FARP1: variants seen among roughly 807,000 people sequenced by gnomAD.
The protein encoded by FARP1 is FERM, ARH/RhoGEF and pleckstrin domain protein 1, also known as FERM, ARHGEF and pleckstrin domain-containing protein 1.
FARP1 carries 52 observed loss-of-function variants against 128.8 expected under a neutral mutation model. The ratio of observed to expected loss-of-function variants is 0.40; its 90% CI spans 0.32 to 0.51. The LOEUF is 0.51. Among genes scored for constraint, FARP1 ranks in the 20% least tolerant of loss-of-function variants. The pLI is 0.45. For synonymous variants in FARP1, 580 were observed against 551.8 expected (o/e 1.05, Z -0.72); for missense variants, 1,333 against 1,367.9 (o/e 0.97, Z 0.40).
chr13:98,446,813 G>A lies in FARP1; in HGVS notation c.3052G>A (p.Glu1018Lys), dbSNP rs369179780. 45 of 1,613,914 alleles carry A rather than the reference G, an allele frequency of 2.8e-5. No homozygotes were observed. The highest frequency in any genetic ancestry group is 2.3e-4 in the South Asian group (21 of 91,062). The change falls in exon 26 of 27, where the codon GAA becomes AAA. Residue 1018 changes from glutamate (E) to lysine (K), a missense_variant. Glu to Lys is a moderately conservative substitution (Grantham distance 56). This residue lies in a region of FARP1 where 1,009 missense variants were observed against 969.8 expected (regional missense o/e 1.04). Transcript: ENST00000319562. The stretch of plus-strand genomic sequence containing the variant: ...CAGGGCGGAAAGCGAGTACACGTTC[G>A]AAAGGTAGACACCCCCTTCCCACGC... Reference protein sequence around the residue: ...YFRAESEYTFERWMEVIRSAT... With the variant: ...YFRAESEYTFKRWMEVIRSAT...
intron 1 of FARP1, among the ~76,000 whole-genome samples, chr13:98,178,489 C>A (rs1171518464): frequency 1.3e-5 from 2 of 152,222 alleles, no homozygotes; most frequent in Non-Finnish European, 2.9e-5. Context: ...AGCCACTGCA[C>A]CCCGCCTTCA....
At chr13:98,379,421 A>C (rs1242115324) in intron 6 of FARP1, among the ~76,000 whole-genome samples, 1 of 150,734 alleles carries the variant, frequency 6.6e-6, no homozygotes, top group African/African-American at 2.4e-5. Flanking sequence ...GAGGAGGGAG[A>C]GGAGGCTTTG....
intron 2 of FARP1, chr13:98,245,400 T>C (rs939532560): frequency 1.0e-6 from 1 of 964,256 alleles, no homozygotes; most frequent in African/African-American, 1.8e-5. Context: ...TCAGCTCCCA[T>C]GTTCAGTGTT....
At chr13:98,212,597 T>G (rs1305214318) in intron 1 of FARP1, among the ~76,000 whole-genome samples, 1 of 147,156 alleles carries the variant, frequency 6.8e-6, no homozygotes, top group Non-Finnish European at 1.5e-5. Context: ...GAATGGCTTC[T>G]TGGGAAAGGG....
intron 2 of FARP1, among the ~76,000 whole-genome samples, chr13:98,218,948 A>G (rs1368323385): frequency 6.6e-6 from 1 of 152,268 alleles, no homozygotes; most frequent in African/African-American, 2.4e-5. Context: ...TTCTGGTGTC[A>G]GAATCGCCTG....
chr13:98,255,162 T>G (rs754933417), intron 2 of FARP1, among the ~76,000 whole-genome samples: 9 of 152,092 alleles, frequency 5.9e-5, no homozygotes, highest in Non-Finnish European at 1.2e-4. Context: ...ACAAAAAAAT[T>G]GTAGGCAGTG....
intron 1 of FARP1, among the ~76,000 whole-genome samples, chr13:98,158,071 A>G (rs1481933504): frequency 6.6e-6 from 1 of 152,220 alleles, no homozygotes; most frequent in African/African-American, 2.4e-5. Context: ...ACATATATGC[A>G]TTGAGAAAAG....
At chr13:98,222,529 C>G (rs1881474722) in intron 2 of FARP1, among the ~76,000 whole-genome samples, 1 of 152,092 alleles carries the variant, frequency 6.6e-6, no homozygotes. Context: ...GTGTGTCACT[C>G]ACTTTGTTAA....
chr13:98,367,767 TA>T (rs1262573301), intron 4 of FARP1, among the ~76,000 whole-genome samples: 4 of 152,362 alleles, frequency 2.6e-5, no homozygotes, highest in East Asian at 3.9e-4. Context: ...ATAACTGATG[TA>T]TGTTTTCATT....
At chr13:98,312,997 A>C (rs1886545088) in intron 2 of FARP1, among the ~76,000 whole-genome samples, 1 of 152,132 alleles carries the variant, frequency 6.6e-6, no homozygotes, top group African/African-American at 2.4e-5. Context: ...CCTCCAAAAT[A>C]TGTTGAAGTC....
chr13:98,303,955 T>C (rs1213162961), intron 2 of FARP1, among the ~76,000 whole-genome samples: 1 of 152,226 alleles, frequency 6.6e-6, no homozygotes. Flanking sequence ...AGTTCACTCG[T>C]TACTTGACCG....
chr13:98,268,428 C>T (rs1408544913), intron 2 of FARP1, among the ~76,000 whole-genome samples: 2 of 152,160 alleles, frequency 1.3e-5, no homozygotes, highest in Admixed American at 6.6e-5. Context: ...TCTTCCCACT[C>T]CCCAAAGCAC....
chr13:98,225,505 A>G (rs1403232688), intron 2 of FARP1, among the ~76,000 whole-genome samples: 1 of 152,198 alleles, frequency 6.6e-6, no homozygotes, highest in African/African-American at 2.4e-5. Context: ...CTCCCTCATG[A>G]AACCAAGAGT....
chr13:98,258,656 G>A (rs773311501), intron 2 of FARP1, among the ~76,000 whole-genome samples: 4 of 151,764 alleles, frequency 2.6e-5, no homozygotes, highest in Non-Finnish European at 4.4e-5. Flanking sequence ...GAGATCAAGA[G>A]CAACCTGGGC....
At chr13:98,309,960 C>T (rs12585641) in intron 2 of FARP1, among the ~76,000 whole-genome samples, 20,348 of 152,174 alleles carry the variant, frequency 0.13, 1,677 homozygotes, top group East Asian at 0.33. Context: ...GGGATACTGT[C>T]CTCTCTCCGA....
At position 98,452,966 on chromosome 13, in the gene FARP1, C is replaced by A. The variant is rs764265715; in HGVS notation, c.*4649C>A. On this transcript the variant is annotated 3_prime_UTR_variant, in exon 27 of 27. Transcript: ENST00000319562. ...AAAATAAAATGATCGCTGGAAGGAGCTGACCCTCCCCACCCATCTGAGAGA... is the reference window on the plus strand; with the variant it reads ...AAAATAAAATGATCGCTGGAAGGAGATGACCCTCCCCACCCATCTGAGAGA... 33 of 478,410 alleles carry A rather than the reference C, an allele frequency of 6.9e-5. No individual in the cohort carries two copies. The highest frequency in any genetic ancestry group is 5.3e-4 in the Middle Eastern group (1 of 1,884). 29.6% of individuals were successfully genotyped at this position (478,410 alleles called of 1,614,324 possible).
chr13:98,345,066 G>A (rs144846433), intron 3 of FARP1, among the ~76,000 whole-genome samples: 5 of 152,344 alleles, frequency 3.3e-5, no homozygotes, highest in African/African-American at 1.2e-4. Context: ...AGCTTCTGAA[G>A]AGAGTCCAGG....
chr13:98,411,851 A>C, intron 15 of FARP1, 50 bp from the exon 16 acceptor site: 3 of 1,595,104 alleles, frequency 1.9e-6, no homozygotes, highest in Non-Finnish European at 2.6e-6. Context: ...AACTGCAGAC[A>C]CTCGTCATTG....
chr13:98,244,673 G>T, intron 2 of FARP1: 2 of 1,614,112 alleles, frequency 1.2e-6, no homozygotes, highest in Non-Finnish European at 1.7e-6. Flanking sequence ...GAAGCTTAGC[G>T]GTCACAGTCA....
Sources: allele counts gnomAD v4.1 joint callset (sites outside exome capture counted in the v4.1 genomes callset), GRCh38; gene constraint gnomAD v4.1.1; regional missense constraint gnomAD v4.1.1; transcripts MANE v1.5; gene names NCBI Gene and HGNC (gene_info 2026-07-23, HGNC 2026-07-21).